Variants in L3MBTL1 observed in about 807,000 individuals in gnomAD.
The protein encoded by L3MBTL1 is lethal(3)malignant brain tumor-like protein 1.
L3MBTL1 carries 75 observed loss-of-function variants against 105.3 expected under a neutral mutation model. That is an observed-to-expected ratio of 0.71 (90% CI 0.59 to 0.86). The LOEUF is 0.86. Among genes scored for constraint, L3MBTL1 ranks in the 40% least tolerant of loss-of-function variants. The pLI, the probability that L3MBTL1 is intolerant of heterozygous loss-of-function variation, is 0.00. For missense variants in L3MBTL1, 1,069 were observed against 1,126.4 expected, an observed-to-expected ratio of 0.95 and a Z score of 0.73; for synonymous variants, 452 against 436.2, an observed-to-expected ratio of 1.04 and a Z score of -0.45.
At chr20:43,533,256 G>C (rs772014110) in intron 12 of L3MBTL1, 86 bp from the exon 13 acceptor site, 1 of 1,202,976 alleles carries the variant, frequency 8.3e-7, no homozygotes, top group Non-Finnish European at 1.2e-6. Context: ...AGTAGATGAG[G>C]GTGGGCCCTG....
chr20:43,546,530 T>A (rs1454052766), downstream of L3MBTL1, among the ~76,000 whole-genome samples: 1 of 152,184 alleles, frequency 6.6e-6, no homozygotes. Flanking sequence ...TTAGGAGCAG[T>A]GCCTGGCACG....
At chr20:43,547,609 C>G (rs911131714) in intron 18 of L3MBTL1, among the ~76,000 whole-genome samples, 1 of 152,130 alleles carries the variant, frequency 6.6e-6, no homozygotes, top group African/African-American at 2.4e-5. Flanking sequence ...CCCCCTGCCC[C>G]CCTCTGCTTT....
chr20:43,509,502 C>T (rs2145362566), intron 1 of L3MBTL1, among the ~76,000 whole-genome samples: 1 of 152,328 alleles, frequency 6.6e-6, no homozygotes, highest in Non-Finnish European at 1.5e-5. Context: ...GCTAGGATTA[C>T]AGGCATGAGC....
chr20:43,535,691 A>T, intron 16 of L3MBTL1, 146 bp from the exon 17 acceptor site: 1 of 591,902 alleles, frequency 1.7e-6, no homozygotes, highest in Non-Finnish European at 3.0e-6. Context: ...CCAGTAACAC[A>T]GAATGGTGTC....
chr20:43,533,968 C>T, intron 13 of L3MBTL1, 40 bp from the exon 14 acceptor site: 1 of 1,468,918 alleles, frequency 6.8e-7, no homozygotes, highest in African/African-American at 1.4e-5. Flanking sequence ...TTCCGCAGTA[C>T]ACCTGGGTGG....
downstream of L3MBTL1, among the ~76,000 whole-genome samples, chr20:43,542,849 A>T (rs1303197332): frequency 1.3e-5 from 2 of 152,108 alleles, no homozygotes; most frequent in East Asian, 3.8e-4. Flanking sequence ...CCACGTTGTT[A>T]TCTGTATCTG....
intron 7 of L3MBTL1, among the ~76,000 whole-genome samples, chr20:43,521,779 C>A (rs1600912344): frequency 1.3e-5 from 2 of 152,130 alleles, no homozygotes; most frequent in Non-Finnish European, 2.9e-5. Flanking sequence ...CCTTAAACTC[C>A]TGAGTGCAAG....
chr20:43,545,829 G>T (rs1424174296), downstream of L3MBTL1, among the ~76,000 whole-genome samples: 1 of 152,194 alleles, frequency 6.6e-6, no homozygotes, highest in Non-Finnish European at 1.5e-5. Flanking sequence ...AATTGGGAAA[G>T]ATCAGGTAAC....
At chr20:43,530,573 C>G (rs1051702964) in intron 10 of L3MBTL1, among the ~76,000 whole-genome samples, 154 bp downstream of exon 10, 1 of 152,226 alleles carries the variant, frequency 6.6e-6, no homozygotes, top group Non-Finnish European at 1.5e-5. Context: ...TGACTCTGCG[C>G]TGGGGCCAAG....
At chr20:43,512,222 G>A (rs75718583) in intron 1 of L3MBTL1, among the ~76,000 whole-genome samples, 1 of 152,212 alleles carries the variant, frequency 6.6e-6, no homozygotes, top group South Asian at 2.1e-4. Context: ...AGTCCAAAGA[G>A]AGCTGATGTT....
chr20:43,530,605 T>C (rs1038952072), intron 10 of L3MBTL1, 186 bp downstream of exon 10: 16 of 782,692 alleles, frequency 2.0e-5, no homozygotes, highest in African/African-American at 3.5e-5. Context: ...CCCTAGAACT[T>C]CCGCTTTGCA....
chr20:43,508,955 A>AG (rs1166133530), intron 1 of L3MBTL1, among the ~76,000 whole-genome samples: 1 of 152,168 alleles, frequency 6.6e-6, no homozygotes, highest in Admixed American at 6.5e-5. Context: ...CCTTCAAGTG[A>AG]GGTAGCTCCC....
At chr20:43,522,460 T>A (rs1218289119) in intron 7 of L3MBTL1, among the ~76,000 whole-genome samples, 1 of 55,908 alleles carries the variant, frequency 1.8e-5, no homozygotes, top group African/African-American at 1.1e-4. Flanking sequence ...CTGCTAAGTT[T>A]TTTTTTTTTT....
Position 43,534,394 on chromosome 20 carries a change from G to T in L3MBTL1, c.1710G>T (p.Lys570Asn). 1.9e-6 allele frequency: 3 copies of T among 1,613,690 alleles called. No individual in the cohort carries two copies. Among genetic ancestry groups the T allele is most frequent in the Non-Finnish European group, 2.5e-6 (3 of 1,179,660 alleles). Residue 570 changes from lysine to asparagine, a missense_variant and splice_region_variant, in exon 15 of 22, where the codon AAG becomes AAT. Coordinates refer to ENST00000418998, the MANE Select transcript of L3MBTL1 (RefSeq NM_001377303.1). The part of the protein sequence containing the change: ...SVEDVEDHRI[K>N]IHFDGWSHGY... ...AGGATGTGGAGGACCATCGGATAAA[G>T]GTGGCTCTGGGACCCTAGGGCTGGG...
At chr20:43,550,349 G>A (rs1978899500) in exon 19 of L3MBTL1, 1 of 152,214 alleles carries the variant, frequency 6.6e-6, no homozygotes, top group African/African-American at 2.4e-5. Flanking sequence ...ATGCTTGCCT[G>A]TGGTGAAGGC....
Position 43,536,072 on chromosome 20 carries a change from C to A in L3MBTL1, c.1926-25C>A, listed in dbSNP as rs202079273. On this transcript the variant is annotated intron_variant, in intron 17 of 21. Coordinates refer to ENST00000418998, the MANE Select transcript of L3MBTL1 (RefSeq NM_001377303.1). ...CTCAGCGGGGACCAGTGGATTAAAC[C>A]CAACTGAAGTCTCTTCTTCCCCAGG... 2.2e-4 allele frequency: 360 copies of A among 1,611,604 alleles called. 1 individual carries two copies. The highest frequency in any genetic ancestry group is 3.2e-4 in the South Asian group (29 of 90,966).
chr20:43,537,702 G>T (rs1339500459), intron 19 of L3MBTL1, among the ~76,000 whole-genome samples: 1 of 152,182 alleles, frequency 6.6e-6, no homozygotes, highest in East Asian at 1.9e-4. Flanking sequence ...GCACAGCAGG[G>T]ACGCCTCAGT....
chr20:43,511,599 G>A (rs1042146327), intron 1 of L3MBTL1, among the ~76,000 whole-genome samples: 1 of 151,842 alleles, frequency 6.6e-6, no homozygotes. Flanking sequence ...CTGGCAACAT[G>A]GTGAAACCCC....
intron 7 of L3MBTL1, chr20:43,523,624 A>G (rs1271008323): frequency 2.8e-5 from 6 of 212,768 alleles, no homozygotes; most frequent in Non-Finnish European, 6.0e-5. Context: ...GCAGGCCTGC[A>G]TTTGCACCGC....
Sources: gnomAD v4.1 joint callset for allele counts (sites outside exome capture counted in the v4.1 genomes callset) on GRCh38, gnomAD v4.1.1 for gene constraint, MANE v1.5 for transcripts, NCBI Gene and HGNC (gene_info 2026-07-23, HGNC 2026-07-21) for gene names.